FBN2: variants seen among roughly 807,000 people sequenced by gnomAD.
FBN2 encodes fibrillin 2.
A neutral mutation model predicts 355.6 loss-of-function variants in FBN2; 105 were observed. The observed-to-expected ratio is 0.30, with a 90% CI of 0.25 to 0.35. The LOEUF is 0.35. FBN2 is among the 10% of genes least tolerant of loss of function. FBN2 has a pLI of 1.00. For missense variants in FBN2, 3,280 were observed against 3,758.7 expected (o/e 0.87, Z 3.33); for synonymous variants, 1,350 against 1,301.2 (o/e 1.04, Z -0.81).
At chr5:128,322,064 C>T (rs1018310180) in intron 34 of FBN2, among the ~76,000 whole-genome samples, 7 of 151,878 alleles carry the variant, frequency 4.6e-5, no homozygotes, top group East Asian at 3.9e-4. Flanking sequence ...CTTTTTTTCA[C>T]GTTTGTTGGC....
At chr5:128,408,402 A>G (rs1752984992) in intron 8 of FBN2, among the ~76,000 whole-genome samples, 1 of 152,212 alleles carries the variant, frequency 6.6e-6, no homozygotes, top group Non-Finnish European at 1.5e-5. Flanking sequence ...CTCCCAAAGC[A>G]GATTTTAAAA....
intron 5 of FBN2, among the ~76,000 whole-genome samples, chr5:128,518,223 C>G (rs1246076962): frequency 3.3e-5 from 5 of 152,158 alleles, no homozygotes; most frequent in African/African-American, 1.2e-4. Context: ...AGATCACACT[C>G]TCTAGAATCC....
chr5:128,319,139 A>C lies in FBN2; in HGVS notation c.4472-138T>G. ...GGCTTTTTTTTTCTCTTTTTTGGCT[A>C]GGTAGATAAGTGTAAAGGGCAAGCA... On this transcript the variant is annotated intron_variant, in intron 34 of 64. Coordinates refer to ENST00000262464, the MANE Select transcript of FBN2 (RefSeq NM_001999.4). 4.5e-6 allele frequency: 3 copies of C among 671,630 alleles called. No individual in the cohort carries two copies. In the South Asian group the frequency reaches 5.5e-5, roughly 12 times the overall value. The allele number at this position is 671,630 out of a possible 1,614,324, so 41.6% of individuals were successfully genotyped here. A position where few individuals can be genotyped will look rare whatever the true frequency, so the allele number is the denominator to read the frequency against.
At chr5:128,410,778 C>CA (rs1015731117) in intron 7 of FBN2, among the ~76,000 whole-genome samples, 2 of 151,232 alleles carry the variant, frequency 1.3e-5, no homozygotes, top group Non-Finnish European at 1.5e-5. Flanking sequence ...TTTTATTGTG[C>CA]AAAAAAAACC....
chr5:128,430,064 T>C (rs923264531), intron 7 of FBN2, among the ~76,000 whole-genome samples: 4 of 152,160 alleles, frequency 2.6e-5, no homozygotes, highest in African/African-American at 4.8e-5. Flanking sequence ...TTCCTGTGAG[T>C]TACCTTCTAA....
chr5:128,383,295 A>T (rs1752281414), intron 11 of FBN2, among the ~76,000 whole-genome samples: 2 of 152,072 alleles, frequency 1.3e-5, no homozygotes, highest in Admixed American at 6.6e-5. Context: ...TATACTACAA[A>T]AAATAAACTT....
At chr5:128,427,597 T>C (rs1753515548) in intron 7 of FBN2, among the ~76,000 whole-genome samples, 2 of 152,222 alleles carry the variant, frequency 1.3e-5, no homozygotes, top group African/African-American at 4.8e-5. Flanking sequence ...AGCTGCTCTT[T>C]ATTAATCAAT....
Position 128,393,318 on chromosome 5 carries a change from C to G in FBN2, c.1282G>C (p.Gly428Arg). ...MDGLPMGGIP[G>R]SAGSRPGGTG... is the part of the protein sequence containing the mutation. The stretch of plus-strand genomic sequence containing the variant: ...CCTCCAGGTCTGGAACCAGCACTCC[C>G]TGGAATTCCTCCCATTGGAAGTCCA... The change falls in exon 10 of 65, where the codon GGG becomes CGG. Residue 428 changes from glycine (G) to arginine (R), a missense_variant. Transcript: ENST00000262464. 6.2e-7 allele frequency: 1 copy of G among 1,614,204 alleles called. No homozygotes were observed. Among genetic ancestry groups the G allele is most frequent in the Non-Finnish European group, 8.5e-7 (1 of 1,180,030 alleles).
chr5:128,456,790 C>T (rs1416933814), intron 6 of FBN2, among the ~76,000 whole-genome samples: 1 of 152,070 alleles, frequency 6.6e-6, no homozygotes, highest in African/African-American at 2.4e-5. Context: ...ATAAAAACCC[C>T]ATCCAAGGGT....
At chr5:128,391,556 A>G (rs540776206) in intron 11 of FBN2, among the ~76,000 whole-genome samples, 11 of 152,218 alleles carry the variant, frequency 7.2e-5, no homozygotes, top group African/African-American at 2.6e-4. Flanking sequence ...GTAATTATCA[A>G]AGTAGAGATA....
At chr5:128,506,651 T>C (rs190082079) in intron 5 of FBN2, among the ~76,000 whole-genome samples, 3 of 152,252 alleles carry the variant, frequency 2.0e-5, no homozygotes, top group South Asian at 4.1e-4. Flanking sequence ...TTTCTTTGTA[T>C]TGCCTATTGC....
At chr5:128,390,526 T>C (rs1488335454) in intron 11 of FBN2, among the ~76,000 whole-genome samples, 1 of 152,214 alleles carries the variant, frequency 6.6e-6, no homozygotes, top group African/African-American at 2.4e-5. Flanking sequence ...CTTAAGAATA[T>C]AATTGGTGAA....
At chr5:128,346,546 C>G (rs545160293) in intron 23 of FBN2, among the ~76,000 whole-genome samples, 6 of 152,310 alleles carry the variant, frequency 3.9e-5, no homozygotes, top group African/African-American at 1.4e-4. Context: ...TTGATTCTTT[C>G]AAGTTCTAAA....
At chr5:128,466,961 C>A (rs1349286158) in intron 5 of FBN2, among the ~76,000 whole-genome samples, 1 of 151,912 alleles carries the variant, frequency 6.6e-6, no homozygotes, top group Non-Finnish European at 1.5e-5. Context: ...GTTCTGAATA[C>A]GTGGGGAAAA....
At chr5:128,359,324 A>C (rs954753598) in intron 19 of FBN2, among the ~76,000 whole-genome samples, 2 of 152,082 alleles carry the variant, frequency 1.3e-5, no homozygotes. Flanking sequence ...AGTCTTTGGA[A>C]ATTAATTCAG....
chr5:128,499,894 G>T (rs1338906230), intron 5 of FBN2, among the ~76,000 whole-genome samples: 1 of 151,850 alleles, frequency 6.6e-6, no homozygotes, highest in Non-Finnish European at 1.5e-5. Flanking sequence ...ATAAGGCTTT[G>T]CCCATATGCA....
intron 45 of FBN2, 32 bp from the exon 46 acceptor site, chr5:128,303,121 T>A: frequency 7.6e-7 from 1 of 1,321,118 alleles, no homozygotes. Flanking sequence ...AAAAATTCAA[T>A]TTTTAACTAG....
intron 7 of FBN2, among the ~76,000 whole-genome samples, chr5:128,420,693 A>T (rs1753323206): frequency 6.6e-6 from 1 of 152,242 alleles, no homozygotes; most frequent in Non-Finnish European, 1.5e-5. Context: ...AAGAAACAAT[A>T]GTTAATGAAA....
chr5:128,446,689 A>G (rs1754074117), intron 6 of FBN2, 83 bp from the exon 7 acceptor site: 1 of 1,455,080 alleles, frequency 6.9e-7, no homozygotes, highest in Admixed American at 1.7e-5. Flanking sequence ...AACTTTATAT[A>G]AACATTCTTC....
Sources: allele counts gnomAD v4.1 joint callset (sites outside exome capture counted in the v4.1 genomes callset), GRCh38; gene constraint gnomAD v4.1.1; transcripts MANE v1.5; gene names NCBI Gene and HGNC (gene_info 2026-07-23, HGNC 2026-07-21).